The following XYLT1 variants were observed in gnomAD, a reference collection of about 807,000 sequenced individuals.
The protein encoded by XYLT1 is xylosyltransferase 1.
XYLT1 carries 36 observed loss-of-function variants against 91.3 expected under a neutral mutation model. That is an observed-to-expected ratio of 0.39 (90% CI 0.30 to 0.52). XYLT1 has a LOEUF of 0.52. Among genes scored for constraint, XYLT1 ranks in the 20% least tolerant of loss-of-function variants. The pLI is 0.68. For missense variants in XYLT1, 1,242 were observed against 1,284.5 expected, an observed-to-expected ratio of 0.97 and a Z score of 0.51; for synonymous variants, 588 against 532.0, an observed-to-expected ratio of 1.11 and a Z score of -1.45.
At chr16:17,280,530 AT>A (rs1320997659) in intron 2 of XYLT1, among the ~76,000 whole-genome samples, 2 of 152,234 alleles carry the variant, frequency 1.3e-5, no homozygotes, top group African/African-American at 4.8e-5. Flanking sequence ...GTACAGAAAA[AT>A]AATACAGTGC....
In XYLT1 at chr16:17,158,813, G is replaced by A. The variant is rs750310276; in HGVS notation, c.1370+16C>T. The A allele has an allele frequency of 3.7e-6, 6 of 1,613,254 alleles. No homozygotes were observed. In the East Asian group the frequency reaches 6.7e-5, roughly 18 times the overall value. ...TTCATTTCCATTTTGTACAGGGGTAGGGGTTGAGGTGCTACCTTGCATTGT... is the reference window on the plus strand; with the variant it reads ...TTCATTTCCATTTTGTACAGGGGTAAGGGTTGAGGTGCTACCTTGCATTGT... On this transcript the variant is annotated intron_variant, in intron 6 of 11. Coordinates refer to ENST00000261381, the MANE Select transcript of XYLT1 (RefSeq NM_022166.4).
At chr16:17,246,365 C>G (rs1364970426) in intron 3 of XYLT1, among the ~76,000 whole-genome samples, 2 of 152,186 alleles carry the variant, frequency 1.3e-5, no homozygotes, top group Non-Finnish European at 2.9e-5. Context: ...TGGAGAGTAA[C>G]AAGTATCAAT....
intron 2 of XYLT1, among the ~76,000 whole-genome samples, chr16:17,340,814 A>T (rs899829620): frequency 6.6e-6 from 1 of 152,220 alleles, no homozygotes; most frequent in East Asian, 1.9e-4. Context: ...TTTAGCCATC[A>T]TTATCCATCA....
intron 2 of XYLT1, chr16:17,355,160 A>C (rs941324917): frequency 1.3e-5 from 2 of 153,488 alleles, no homozygotes; most frequent in Admixed American, 6.5e-5. Flanking sequence ...ATTGGACTTT[A>C]AGAGTCGCCA....
At chr16:17,179,907 A>G (rs2032028934) in intron 5 of XYLT1, among the ~76,000 whole-genome samples, 1 of 152,218 alleles carries the variant, frequency 6.6e-6, no homozygotes, top group Non-Finnish European at 1.5e-5. Flanking sequence ...ATCATCTTAC[A>G]TACTGCAAGC....
At chr16:17,391,046 A>G (rs575787431) in intron 1 of XYLT1, among the ~76,000 whole-genome samples, 2 of 152,216 alleles carry the variant, frequency 1.3e-5, no homozygotes, top group East Asian at 3.9e-4. Context: ...TCAAAAGAAA[A>G]AAAACAAAAA....
chr16:17,189,267 G>A (rs1204465691), intron 5 of XYLT1, among the ~76,000 whole-genome samples: 1 of 152,154 alleles, frequency 6.6e-6, no homozygotes, highest in Admixed American at 6.5e-5. Context: ...ATCTTCCCCG[G>A]ACAATGAGAA....
intron 3 of XYLT1, among the ~76,000 whole-genome samples, chr16:17,232,857 G>A (rs762819076): frequency 2.6e-5 from 4 of 152,044 alleles, no homozygotes; most frequent in Non-Finnish European, 5.9e-5. Flanking sequence ...TCTCTATTTG[G>A]ACTGTCCTTC....
chr16:17,348,550 G>C (rs2035177425), intron 2 of XYLT1, among the ~76,000 whole-genome samples: 1 of 152,190 alleles, frequency 6.6e-6, no homozygotes, highest in South Asian at 2.1e-4. Flanking sequence ...AAGGAAGGGT[G>C]TGAGAGCACC....
chr16:17,456,982 C>T (rs970794737), intron 1 of XYLT1, among the ~76,000 whole-genome samples: 1 of 152,088 alleles, frequency 6.6e-6, no homozygotes, highest in Non-Finnish European at 1.5e-5. Flanking sequence ...CTGAAAGTTG[C>T]AAACTCAAAC....
rs2036984481 is a variant in XYLT1 at position 17,470,915 on chromosome 16, C to CCCG, written c.-120_-119insCGG. 9 of 145,336 alleles carry CCCG rather than the reference C, an allele frequency of 6.2e-5. No homozygotes were observed. Among genetic ancestry groups the CCCG allele is most frequent in the Admixed American group, 1.4e-4 (2 of 14,736 alleles). The allele number at this position is 145,336 out of a possible 1,614,324, so 9.0% of individuals were successfully genotyped here. A position where few individuals can be genotyped will look rare whatever the true frequency, so the allele number is the denominator to read the frequency against. On this transcript the variant is annotated 5_prime_UTR_variant, in exon 1 of 12. Transcript: ENST00000261381. ...GCTCGGGCTCCCGCTCGGGCCGCCG[C>CCCG]CGCCGCCCCCCTCCCCACACCCCTG...
chr16:17,272,896 G>A (rs997376345), intron 2 of XYLT1, among the ~76,000 whole-genome samples: 3 of 152,162 alleles, frequency 2.0e-5, no homozygotes, highest in Non-Finnish European at 4.4e-5. Flanking sequence ...AGTGTTTGAT[G>A]GAGGTGGCAT....
chr16:17,231,833 C>A (rs1377786477), intron 3 of XYLT1, among the ~76,000 whole-genome samples: 1 of 151,920 alleles, frequency 6.6e-6, no homozygotes, highest in East Asian at 1.9e-4. Context: ...GCTTGCAGAA[C>A]TGGTAGTTGC....
At position 17,259,491 on chromosome 16, in the gene XYLT1, T is replaced by A; in HGVS notation, c.410A>T (p.Tyr137Phe). ...PLITLETQDG[Y>F]FSHRPKEKVR... ...TTTCTCTTTCGGCCGATGAGAAAAG[T>A]AGCCATCCTGGAGAAGAGGGGAGAG... The change falls in exon 3 of 12, where the codon TAC becomes TTC. Residue 137 changes from tyrosine to phenylalanine, a missense_variant. Tyr to Phe is a conservative substitution (Grantham distance 22, BLOSUM62 3). Transcript: ENST00000261381. 4 of 1,606,358 alleles carry A rather than the reference T, an allele frequency of 2.5e-6. No homozygotes were observed. The highest frequency in any genetic ancestry group is 1.3e-5 in the African/African-American group (1 of 74,966).
chr16:17,267,176 C>T (rs879383355), intron 2 of XYLT1, among the ~76,000 whole-genome samples: 12 of 152,166 alleles, frequency 7.9e-5, no homozygotes, highest in East Asian at 1.9e-4. Context: ...AACTCTGAGA[C>T]GGAGGGCAAG....
intron 1 of XYLT1, among the ~76,000 whole-genome samples, chr16:17,432,261 CT>C (rs2036401629): frequency 6.6e-6 from 1 of 152,202 alleles, no homozygotes; most frequent in African/African-American, 2.4e-5. Flanking sequence ...CACACCCAGA[CT>C]TCTATGCAAA....
chr16:17,330,453 G>T (rs1164093545), intron 2 of XYLT1, among the ~76,000 whole-genome samples: 2 of 152,006 alleles, frequency 1.3e-5, no homozygotes, highest in Non-Finnish European at 2.9e-5. Flanking sequence ...TGTGACTCCA[G>T]GGTCCCATAA....
At chr16:17,139,967 A>G (rs1274028429) in intron 7 of XYLT1, among the ~76,000 whole-genome samples, 2 of 152,200 alleles carry the variant, frequency 1.3e-5, no homozygotes, top group East Asian at 3.9e-4. Context: ...AGAAACACAC[A>G]TAACCTATGT....
chr16:17,192,032 G>T (rs56034859), intron 5 of XYLT1, among the ~76,000 whole-genome samples: 1 of 150,456 alleles, frequency 6.6e-6, no homozygotes, highest in Non-Finnish European at 1.5e-5. Context: ...CATCTGATTT[G>T]CCCCAAGACA....
Sources: gnomAD v4.1 joint callset for allele counts (sites outside exome capture counted in the v4.1 genomes callset) on GRCh38, gnomAD v4.1.1 for gene constraint, MANE v1.5 for transcripts, NCBI Gene and HGNC (gene_info 2026-07-23, HGNC 2026-07-21) for gene names.